CSF2RA: variants seen among roughly 807,000 people sequenced by gnomAD.
CSF2RA encodes the protein granulocyte-macrophage colony-stimulating factor receptor subunit alpha.
Under a neutral mutation model 51.6 loss-of-function variants are expected in CSF2RA, and 42 were observed. That is an observed-to-expected ratio of 0.81 (90% CI 0.64 to 1.05). The LOEUF (loss-of-function observed/expected upper bound fraction) is 1.05. CSF2RA is among the 50% of genes least tolerant of loss of function. The probability of loss-of-function intolerance (pLI) is 0.00; values close to 1 mark genes in which losing one functional copy is unlikely to be tolerated. For synonymous variants in CSF2RA, 222 were observed against 193.0 expected (o/e 1.15, Z -1.24); for missense variants, 530 against 501.1 (o/e 1.06, Z -0.55).
chrX:1,309,447 G>T lies in CSF2RA; in HGVS notation c.1171G>T (p.Glu391Ter). Reference sequence around the variant, plus strand: ...CCCAGAGGAAGGGAAAGGCTACCGCGAAGAGGTCTTGACCGTGAAGGAAAT... The same window carrying T: ...CCCAGAGGAAGGGAAAGGCTACCGCTAAGAGGTCTTGACCGTGAAGGAAAT... ...FTPEEGKGYREEVLTVKEIT is the reference protein window; with the variant it reads ...FTPEEGKGYR The change falls in exon 13 of 13, where the codon GAA (glutamate) becomes TAA (stop). Residue 391 changes from glutamate to a stop codon, truncating the protein, a stop_gained. Transcript: ENST00000381529. LOFTEE classifies it high-confidence loss of function. 6.2e-7 allele frequency: 1 copy of T among 1,613,974 alleles called. No individual in the cohort carries two copies. The highest frequency in any genetic ancestry group is 1.7e-5 in the Admixed American group (1 of 60,008).
In CSF2RA at chrX:1,281,147, A is replaced by T. The variant is rs189729288; in HGVS notation, c.-26-1531A>T. Among the ~76,000 whole-genome samples, 256 of 34,480 alleles carry T rather than the reference A, an allele frequency of 7.4e-3. 4 individuals are homozygous for T. Among genetic ancestry groups the T allele is most frequent in the African/African-American group, 0.031 (198 of 6,484 alleles). The allele number at this position is 34,480 out of a possible 152,430, so 22.6% of individuals were successfully genotyped here. The stretch of plus-strand genomic sequence containing the variant: ...CTCCTCCTCCTGCTCCTCCTCCTCC[A>T]GCTCCCCTTCTCCTCCTACTCCTCC... On this transcript the variant is annotated intron_variant, in intron 2 of 12. Coordinates refer to ENST00000381529, the MANE Select transcript of CSF2RA (RefSeq NM_172245.4).
chrX:1,309,470 A>G lies in CSF2RA; in HGVS notation c.1194A>G (p.Glu398=), dbSNP rs776843177. The change falls in exon 13 of 13, where the codon GAA becomes GAG. Residue 398 remains glutamate (E), a synonymous_variant. Coordinates refer to ENST00000381529, the MANE Select transcript of CSF2RA (RefSeq NM_172245.4). ...GCGAAGAGGTCTTGACCGTGAAGGAAATTACCTGAGACCCAGAGGGTGTAG... is the reference window on the plus strand; with the variant it reads ...GCGAAGAGGTCTTGACCGTGAAGGAGATTACCTGAGACCCAGAGGGTGTAG... ...GYREEVLTVK[E]IT 2 of 1,613,856 alleles carry G rather than the reference A, an allele frequency of 1.2e-6. No homozygotes were observed. Among genetic ancestry groups the G allele is most frequent in the Non-Finnish European group, 1.7e-6 (2 of 1,179,872 alleles).
the CSF2RA span, among the ~76,000 whole-genome samples, chrX:1,316,132 CATAG>C: frequency 2.9e-4 from 43 of 149,294 alleles, no homozygotes; most frequent in East Asian, 4.0e-3. Flanking sequence ...TAGACAGATA[CATAG>C]ATAGATGATA....
chrX:1,285,890 T>G lies in CSF2RA; in HGVS notation c.189T>G (p.Thr63=). ...CAACCTTCAGCAAGTGTTTCTTAACTGACAAGAAGAACAGAGTCGTGGAAC... is the reference window on the plus strand; with the variant it reads ...CAACCTTCAGCAAGTGTTTCTTAACGGACAAGAAGAACAGAGTCGTGGAAC... ...ENTTFSKCFL[T]DKKNRVVEPR... is the part of the protein sequence containing the mutation. Residue 63 remains threonine (T), a synonymous_variant, in exon 4 of 13, where the codon ACT becomes ACG. Coordinates refer to ENST00000381529, the MANE Select transcript of CSF2RA (RefSeq NM_172245.4). The G allele has an allele frequency of 6.2e-7, 1 of 1,613,898 alleles. No homozygotes were observed. Among genetic ancestry groups the G allele is most frequent in the Non-Finnish European group, 8.5e-7 (1 of 1,179,848 alleles).
At chrX:1,316,080 A>ATAGATAGATAGATAG in the CSF2RA span, among the ~76,000 whole-genome samples, 1 of 65,928 alleles carries the variant, frequency 1.5e-5, no homozygotes, top group Non-Finnish European at 3.9e-5. Flanking sequence ...AGATAGATAG[A>ATAGATAGATAGATAG]ATAGATAAAT....
intron 6 of CSF2RA, chrX:1,289,129 A>T (rs1397397620): frequency 1.8e-6 from 1 of 559,596 alleles, no homozygotes; most frequent in Non-Finnish European, 3.2e-6. Flanking sequence ...ACCAGGCCAC[A>T]TCTATGTATT....
intron 7 of CSF2RA, among the ~76,000 whole-genome samples, chrX:1,292,597 G>A (rs1603429726): frequency 1.3e-5 from 2 of 152,190 alleles, no homozygotes; most frequent in South Asian, 4.1e-4. Context: ...ACTATGCCTG[G>A]ATGCACACGC....
chrX:1,318,028 A>G, the CSF2RA span, among the ~76,000 whole-genome samples: 10 of 146,984 alleles, frequency 6.8e-5, no homozygotes, highest in East Asian at 4.0e-4. Context: ...TCACTGTGTC[A>G]CCCAGGCTGG....
In CSF2RA at chrX:1,272,184, C is replaced by T. The variant is rs763539189; in HGVS notation, c.-90-2571C>T. Among the ~76,000 whole-genome samples, 16 of 151,980 alleles carry T rather than the reference C, an allele frequency of 1.1e-4. No homozygotes were observed. The East Asian group carries it at 3.1e-3, about 29-fold the overall frequency. Reference sequence around the variant, plus strand: ...GGTCAGGCTGGTCTCGAACACCTGACCTCAGGTGATCCGCCTGCCTCGGCC... The same window carrying T: ...GGTCAGGCTGGTCTCGAACACCTGATCTCAGGTGATCCGCCTGCCTCGGCC... On this transcript the variant is annotated intron_variant, in intron 1 of 12. Coordinates refer to ENST00000381529, the MANE Select transcript of CSF2RA (RefSeq NM_172245.4).
Position 1,294,323 on chromosome X carries a change from T to A in CSF2RA, c.647-5T>A. On this transcript the variant is annotated splice_polypyrimidine_tract_variant and splice_region_variant and intron_variant, in intron 7 of 12. Coordinates refer to ENST00000381529, the MANE Select transcript of CSF2RA (RefSeq NM_172245.4). Reference sequence around the variant, plus strand: ...TCAGGGGTGTGTCCTGCGCCCTCGTTACAGAACGATTCAACCCTCCCAGCA... The same window carrying A: ...TCAGGGGTGTGTCCTGCGCCCTCGTAACAGAACGATTCAACCCTCCCAGCA... The A allele has an allele frequency of 6.2e-7, 1 of 1,613,114 alleles. No individual in the cohort carries two copies. Among genetic ancestry groups the A allele is most frequent in the Non-Finnish European group, 8.5e-7 (1 of 1,179,828 alleles).
intron 9 of CSF2RA, among the ~76,000 whole-genome samples, chrX:1,295,917 C>T (rs1191211115): frequency 7.2e-6 from 1 of 138,582 alleles, no homozygotes; most frequent in Non-Finnish European, 1.6e-5. Context: ...TACCGATGAC[C>T]TCCAGCGTAA....
At chrX:1,291,593 C>A (rs1331927559) in intron 7 of CSF2RA, among the ~76,000 whole-genome samples, 14 of 152,054 alleles carry the variant, frequency 9.2e-5, no homozygotes, top group Admixed American at 7.9e-4. Flanking sequence ...TGGACGTTCC[C>A]AGCCTCTTCA....
At chrX:1,324,049 G>A in the CSF2RA span, among the ~76,000 whole-genome samples, 1 of 151,894 alleles carries the variant, frequency 6.6e-6, no homozygotes, top group Non-Finnish European at 1.5e-5. Context: ...GCTGGACATG[G>A]TAGCATGTTC....
chrX:1,318,310 T>A, the CSF2RA span, among the ~76,000 whole-genome samples: 1 of 151,684 alleles, frequency 6.6e-6, no homozygotes, highest in African/African-American at 2.4e-5. Context: ...ATTACAGGCA[T>A]ACGCCACCAC....
intron 6 of CSF2RA, among the ~76,000 whole-genome samples, chrX:1,289,688 T>TG (rs1556524957): frequency 6.6e-6 from 1 of 150,916 alleles, no homozygotes; most frequent in Non-Finnish European, 1.5e-5. Context: ...GTTGTGTTTG[T>TG]TTTTGTTTTG....
intron 1 of CSF2RA, among the ~76,000 whole-genome samples, chrX:1,272,206 G>A (rs1337866103): frequency 1.8e-4 from 28 of 151,604 alleles, no homozygotes; most frequent in African/African-American, 5.1e-4. Flanking sequence ...CGCCTGCCTC[G>A]GCCTCCCAGT....
the CSF2RA span, among the ~76,000 whole-genome samples, chrX:1,318,521 C>T: frequency 6.6e-6 from 1 of 151,988 alleles, no homozygotes; most frequent in Non-Finnish European, 1.5e-5. Flanking sequence ...CTCTTACCCC[C>T]AGGCCGTTGG....
intron 2 of CSF2RA, among the ~76,000 whole-genome samples, chrX:1,280,371 C>A (rs371394814): frequency 6.6e-6 from 1 of 150,450 alleles, no homozygotes; most frequent in African/African-American, 2.4e-5. Flanking sequence ...CTTGGGAGGC[C>A]GAGGCAGGAG....
chrX:1,270,239 AT>A (rs1444559102), intron 1 of CSF2RA, among the ~76,000 whole-genome samples: 1 of 114,356 alleles, frequency 8.7e-6, no homozygotes, highest in Non-Finnish European at 1.7e-5. Flanking sequence ...CATATTATAT[AT>A]TTTTTATTAT....
Sources: allele counts gnomAD v4.1 joint callset (sites outside exome capture counted in the v4.1 genomes callset), GRCh38; gene constraint gnomAD v4.1.1; transcripts MANE v1.5; gene names NCBI Gene and HGNC (gene_info 2026-07-23, HGNC 2026-07-21).